CDH22: variants seen among roughly 807,000 people sequenced by gnomAD.
CDH22 encodes cadherin 22.
A neutral mutation model predicts 58.4 loss-of-function variants in CDH22; 30 were observed. The observed-to-expected ratio is 0.51, with a 90% CI of 0.38 to 0.70. The LOEUF (loss-of-function observed/expected upper bound fraction) is 0.70, where lower values mean the gene tolerates loss of function less well. Ranked by LOEUF, CDH22 falls within the 30% of genes least tolerant of loss-of-function variation. The pLI is 0.00. For missense variants in CDH22, 1,014 were observed against 1,233.9 expected (o/e 0.82, Z 2.67); for synonymous variants, 513 against 558.2 (o/e 0.92, Z 1.14).
chr20:46,186,777 G>A (rs1255966334), intron 9 of CDH22, 49 bp downstream of exon 9: 2 of 1,597,798 alleles, frequency 1.3e-6, no homozygotes, highest in Non-Finnish European at 1.7e-6. Context: ...AGAGGATGCT[G>A]CTGGCCAGTC....
At chr20:46,207,146 C>T (rs2086007127) in intron 7 of CDH22, among the ~76,000 whole-genome samples, 1 of 152,204 alleles carries the variant, frequency 6.6e-6, no homozygotes, top group African/African-American at 2.4e-5. Flanking sequence ...GGACCAGTCT[C>T]CAGCTCCTCA....
At chr20:46,268,100 C>T (rs980685000) in intron 1 of CDH22, among the ~76,000 whole-genome samples, 1 of 152,258 alleles carries the variant, frequency 6.6e-6, no homozygotes, top group Non-Finnish European at 1.5e-5. Context: ...AAAGGCATGA[C>T]GTGGGGTGAG....
At position 46,210,621 on chromosome 20, in the gene CDH22, C is replaced by T. The variant is rs961962395; in HGVS notation, c.1033-61G>A. On this transcript the variant is annotated intron_variant, in intron 6 of 11. Transcript: ENST00000537909. The surrounding 1 kb of genome is among the most constrained non-coding windows in gnomAD (Gnocchi z 4.5). The stretch of plus-strand genomic sequence containing the variant: ...GGTCTGGTGGACACTGAGGCCTTCA[C>T]GAGGGAGGCCAAGGCAGGCGGGGTT... 2.9e-6 allele frequency: 4 copies of T among 1,375,440 alleles called. No homozygotes were observed. In the African/African-American group the frequency reaches 4.5e-5, roughly 16 times the overall value. 85.2% of individuals were successfully genotyped at this position (1,375,440 alleles called of 1,614,324 possible).
intron 11 of CDH22, among the ~76,000 whole-genome samples, chr20:46,176,842 G>T (rs1245199290): frequency 2.0e-5 from 3 of 152,258 alleles, no homozygotes. Context: ...GGTGAGGTTT[G>T]CGGGTGGCGG....
At position 46,210,504 on chromosome 20, in the gene CDH22, C is replaced by T. The variant is rs374667022; in HGVS notation, c.1089G>A (p.Lys363=). ...GGTCGGCGAAGCGGGGGTCCACGAA[C>T]TTGTTGAGGGCCTCCAGGATCACGG... ...VHTVILEALN[K]FVDPRFADLG... Residue 363 remains lysine, a synonymous_variant, in exon 7 of 12, where the codon AAG becomes AAA. Transcript: ENST00000537909. This position sits in a 1 kb window ranked among gnomAD's most constrained non-coding sequence, Gnocchi z 4.5. The T allele has an allele frequency of 7.7e-6, 11 of 1,433,540 alleles. No individual in the cohort carries two copies. Among genetic ancestry groups the T allele is most frequent in the Non-Finnish European group, 9.2e-6 (10 of 1,090,786 alleles). 88.8% of individuals were successfully genotyped at this position (1,433,540 alleles called of 1,614,324 possible). A position where few individuals can be genotyped will look rare whatever the true frequency, so the allele number is the denominator to read the frequency against.
At chr20:46,178,352 T>G (rs866043214) in intron 10 of CDH22, among the ~76,000 whole-genome samples, 155 bp from the exon 11 acceptor site, 1 of 151,992 alleles carries the variant, frequency 6.6e-6, no homozygotes. Flanking sequence ...TCTCCCAAAA[T>G]TCTATTACCA....
chr20:46,289,381 TATA>T (rs2086590431), intron 1 of CDH22, among the ~76,000 whole-genome samples: 1 of 152,256 alleles, frequency 6.6e-6, no homozygotes, highest in Non-Finnish European at 1.5e-5. Context: ...CTCCTTTCTC[TATA>T]ATGTGAGTGC....
In CDH22 at chr20:46,199,669, A is replaced by C. The variant is rs967101110; in HGVS notation, c.1287-110T>G. Reference sequence around the variant, plus strand: ...GAGGGACCGCCTGCCTTGGACACACACAAGGGGCAGAGAAACCCCTTGCGA... The same window carrying C: ...GAGGGACCGCCTGCCTTGGACACACCCAAGGGGCAGAGAAACCCCTTGCGA... On this transcript the variant is annotated intron_variant, in intron 7 of 11. Coordinates refer to ENST00000537909, the MANE Select transcript of CDH22 (RefSeq NM_021248.3). 3.7e-6 allele frequency: 5 copies of C among 1,338,034 alleles called. No individual in the cohort carries two copies. In the African/African-American group the frequency reaches 4.4e-5, roughly 12 times the overall value. The allele number at this position is 1,338,034 out of a possible 1,614,324, so 82.9% of individuals were successfully genotyped here.
chr20:46,282,332 C>T (rs1412430887), intron 1 of CDH22, among the ~76,000 whole-genome samples: 2 of 152,074 alleles, frequency 1.3e-5, no homozygotes, highest in Non-Finnish European at 2.9e-5. Context: ...GGGGTCTCTA[C>T]ACACAGTGGG....
intron 1 of CDH22, among the ~76,000 whole-genome samples, chr20:46,306,769 G>A (rs572513622): frequency 2.0e-5 from 3 of 152,338 alleles, no homozygotes; most frequent in African/African-American, 4.8e-5. Context: ...AAAGACCAAA[G>A]GATGTCACTA....
chr20:46,226,264 TCTTCTTCTTCTTCTTCTTCTTCTTCTTC>T (rs1192348861), intron 4 of CDH22, among the ~76,000 whole-genome samples: 34,933 of 126,218 alleles, frequency 0.28, 6,702 homozygotes, highest in African/African-American at 0.45. Context: ...TTCTTCTTCT[TCTTCTTCTTCTTCTTCTTCTTCTTCTTC>T]TTTTTTTTTT....
At chr20:46,198,652 A>T (rs907396476) in intron 8 of CDH22, among the ~76,000 whole-genome samples, 1 of 151,942 alleles carries the variant, frequency 6.6e-6, no homozygotes, top group African/African-American at 2.4e-5. Context: ...GCCTCCAATG[A>T]CTCTAACTTC....
chr20:46,199,889 C>CTTTCT (rs997135587), intron 7 of CDH22, among the ~76,000 whole-genome samples: 105 of 152,292 alleles, frequency 6.9e-4, no homozygotes, highest in South Asian at 2.3e-3. Flanking sequence ...ATACTCTCTT[C>CTTTCT]TTTCTTTTCT....
chr20:46,243,337 A>G (rs1277851660), intron 2 of CDH22, among the ~76,000 whole-genome samples: 3 of 152,250 alleles, frequency 2.0e-5, no homozygotes, highest in African/African-American at 7.2e-5. Context: ...TAGCCGATTA[A>G]TGGGCATCTC....
intron 3 of CDH22, among the ~76,000 whole-genome samples, chr20:46,239,876 G>C (rs2086278092): frequency 6.6e-6 from 1 of 152,238 alleles, no homozygotes; most frequent in African/African-American, 2.4e-5. Flanking sequence ...GGAGAAGGCA[G>C]AGTCATGCAG....
intron 4 of CDH22, among the ~76,000 whole-genome samples, chr20:46,217,431 C>G (rs541859057): frequency 6.6e-6 from 1 of 152,192 alleles, no homozygotes; most frequent in South Asian, 2.1e-4. Context: ...GATACATTCA[C>G]ACACACACAG....
At chr20:46,202,474 C>T (rs1036357607) in intron 7 of CDH22, among the ~76,000 whole-genome samples, 1 of 151,910 alleles carries the variant, frequency 6.6e-6, no homozygotes, top group African/African-American at 2.4e-5. Context: ...CTGCCTCAGA[C>T]TCCTGAGTAG....
intron 5 of CDH22, among the ~76,000 whole-genome samples, 159 bp from the exon 6 acceptor site, chr20:46,213,347 G>A (rs529112142): frequency 6.6e-6 from 1 of 152,338 alleles, no homozygotes; most frequent in African/African-American, 2.4e-5. Context: ...GGAGAGGAAT[G>A]TCCCCTGCAG....
At position 46,300,736 on chromosome 20, in the gene CDH22, G is replaced by A. The variant is rs2086647731; in HGVS notation, c.-400+7519C>T. On this transcript the variant is annotated intron_variant, in intron 1 of 11. Coordinates refer to ENST00000537909, the MANE Select transcript of CDH22 (RefSeq NM_021248.3). This position sits in a 1 kb window ranked among gnomAD's most constrained non-coding sequence, Gnocchi z 4.4. ...AGTCCCCTCTTCGCTGGCCCCAAGGGGCTTCTACTTGAGGAATCTGGTGAG... is the reference window on the plus strand; with the variant it reads ...AGTCCCCTCTTCGCTGGCCCCAAGGAGCTTCTACTTGAGGAATCTGGTGAG... Among the ~76,000 whole-genome samples, 1 of 152,196 alleles carries A rather than the reference G, an allele frequency of 6.6e-6. No individual in the cohort carries two copies. The highest frequency in any genetic ancestry group is 2.1e-4 in the South Asian group (1 of 4,836).
Sources: gnomAD v4.1 joint callset for allele counts (sites outside exome capture counted in the v4.1 genomes callset) on GRCh38, gnomAD v4.1.1 for gene constraint, Gnocchi (gnomAD v3.1) non-coding constraint, MANE v1.5 for transcripts, NCBI Gene and HGNC (gene_info 2026-07-23, HGNC 2026-07-21) for gene names.